The following ZNF831 variants were observed in gnomAD, a reference collection of about 807,000 sequenced individuals.
ZNF831 encodes the protein chromosome 20 open reading frame 174.
A neutral mutation model predicts 95.8 loss-of-function variants in ZNF831; 59 were observed. The observed-to-expected ratio is 0.62, with a 90% CI of 0.50 to 0.77. ZNF831 has a LOEUF of 0.77. Ranked by LOEUF, ZNF831 falls within the 30% of genes least tolerant of loss-of-function variation. ZNF831 has a pLI of 0.00. For synonymous variants in ZNF831, 961 were observed against 925.5 expected, an observed-to-expected ratio of 1.04 and a Z score of -0.70; for missense variants, 2,205 against 2,164.0, an observed-to-expected ratio of 1.02 and a Z score of -0.38.
intron 3 of ZNF831, among the ~76,000 whole-genome samples, chr20:59,204,673 G>A (rs1984757750): frequency 6.6e-6 from 1 of 152,194 alleles, no homozygotes. Flanking sequence ...GTCCTTCCCT[G>A]AGAGAGCCTG....
rs1294182334 is a variant in ZNF831 at position 59,255,417 on chromosome 20, CA to C, written c.*676del. ...TACTTTTAAATGTTGCACAAATGGT[CA>C]ATGCTTATTTATGGTCAGATGATGC... is the stretch of plus-strand genomic sequence containing the variant. On this transcript the variant is annotated 3_prime_UTR_variant, in exon 6 of 6. Transcript: ENST00000371030. 1.3e-5 allele frequency: 2 copies of C among 152,254 alleles called. No homozygotes were observed. The highest frequency in any genetic ancestry group is 2.9e-5 in the Non-Finnish European group (2 of 68,110). 9.4% of individuals were successfully genotyped at this position (152,254 alleles called of 1,614,324 possible).
chr20:59,156,298 A>C (rs1176237676), intron 2 of ZNF831, among the ~76,000 whole-genome samples: 2 of 152,098 alleles, frequency 1.3e-5, no homozygotes, highest in Admixed American at 6.5e-5. Flanking sequence ...GGCTGAGGCG[A>C]GCGGATCACC....
chr20:59,185,072 C>T (rs1162858449), intron 1 of ZNF831, among the ~76,000 whole-genome samples: 1 of 147,628 alleles, frequency 6.8e-6, no homozygotes. Flanking sequence ...GTCCCGGACC[C>T]TTCCCTCGCT....
intron 4 of ZNF831, among the ~76,000 whole-genome samples, chr20:59,216,946 TAA>T (rs11309699): frequency 1.4e-4 from 20 of 145,980 alleles, no homozygotes; most frequent in African/African-American, 2.5e-4. Context: ...CTTTTGTTCT[TAA>T]AAAAAAAAAA....
intron 1 of ZNF831, among the ~76,000 whole-genome samples, chr20:59,179,818 T>C (rs1982467167): frequency 6.6e-6 from 1 of 152,078 alleles, no homozygotes; most frequent in Non-Finnish European, 1.5e-5. Context: ...CCAAATAAGG[T>C]CCCAATCGCA....
chr20:59,193,511 A>G lies in ZNF831; in HGVS notation c.2492A>G (p.His831Arg), dbSNP rs2146584738. 2.5e-6 allele frequency: 4 copies of G among 1,610,008 alleles called. No homozygotes were observed. The highest frequency in any genetic ancestry group is 1.1e-5 in the South Asian group (1 of 90,366). ...AAGAAGCTGAAAGTGGAGGACCTGC[A>G]CAGCTGGAAGCAACCAGAGCCTGTG... is the stretch of plus-strand genomic sequence containing the variant. ...ERKKLKVEDL[H>R]SWKQPEPVSA... The change falls in exon 2 of 6, where the codon CAC (histidine) becomes CGC (arginine). Residue 831 changes from histidine to arginine, a missense_variant. Coordinates refer to ENST00000371030, the MANE Select transcript of ZNF831 (RefSeq NM_178457.3).
At chr20:59,197,272 T>C (rs1007883757) in intron 3 of ZNF831, among the ~76,000 whole-genome samples, 7 of 152,190 alleles carry the variant, frequency 4.6e-5, no homozygotes, top group East Asian at 1.9e-4. Context: ...GCACTTGCTG[T>C]GTGCCAGACT....
chr20:59,180,274 A>G (rs892276073), intron 1 of ZNF831, among the ~76,000 whole-genome samples: 3 of 151,980 alleles, frequency 2.0e-5, no homozygotes, highest in African/African-American at 7.3e-5. Flanking sequence ...TTTTGTAGAG[A>G]TGGGGGTCTC....
chr20:59,176,591 C>A (rs1982183070), intron 1 of ZNF831, among the ~76,000 whole-genome samples: 1 of 152,122 alleles, frequency 6.6e-6, no homozygotes, highest in Non-Finnish European at 1.5e-5. Context: ...TTCTGAGTAA[C>A]CCCCCTAGAC....
At chr20:59,142,795 C>T (rs1482186485) in intron 1 of ZNF831, among the ~76,000 whole-genome samples, 1 of 152,242 alleles carries the variant, frequency 6.6e-6, no homozygotes, top group African/African-American at 2.4e-5. Flanking sequence ...GAGGTTCAAA[C>T]TCTCAGCCAT....
At chr20:59,123,541 C>T (rs948478697) in intron 1 of ZNF831, 1 of 152,724 alleles carries the variant, frequency 6.5e-6, no homozygotes, top group Admixed American at 6.5e-5. Context: ...GAGGCCACCA[C>T]CCCGTAGGAA....
chr20:59,181,891 T>C (rs1432480069), intron 1 of ZNF831, among the ~76,000 whole-genome samples: 3 of 152,132 alleles, frequency 2.0e-5, no homozygotes, highest in African/African-American at 4.8e-5. Flanking sequence ...ATTTTTCCTT[T>C]CCATGAGCAT....
At chr20:59,134,693 G>T (rs569055570) in intron 1 of ZNF831, among the ~76,000 whole-genome samples, 1 of 152,320 alleles carries the variant, frequency 6.6e-6, no homozygotes, top group South Asian at 2.1e-4. Flanking sequence ...TGGCTGCGTG[G>T]TCCTTCTGTT....
chr20:59,254,819 A>G lies in ZNF831; in HGVS notation c.*76A>G. On this transcript the variant is annotated 3_prime_UTR_variant, in exon 6 of 6. Transcript: ENST00000371030. This position sits in a 1 kb window ranked among gnomAD's most constrained non-coding sequence, Gnocchi z 4.5. ...AAGTAAATGTTGTCAGGCTGGCGGAAGAACTAAACTCTATCTGTGAAACAC... is the reference window on the plus strand; with the variant it reads ...AAGTAAATGTTGTCAGGCTGGCGGAGGAACTAAACTCTATCTGTGAAACAC... The G allele has an allele frequency of 6.6e-7, 1 of 1,521,272 alleles. No individual in the cohort carries two copies. Among genetic ancestry groups the G allele is most frequent in the Non-Finnish European group, 8.8e-7 (1 of 1,137,014 alleles). The allele number at this position is 1,521,272 out of a possible 1,614,324, so 94.2% of individuals were successfully genotyped here.
At chr20:59,158,240 C>T (rs1487176798) in intron 2 of ZNF831, among the ~76,000 whole-genome samples, 1 of 152,232 alleles carries the variant, frequency 6.6e-6, no homozygotes, top group Non-Finnish European at 1.5e-5. Context: ...GCATTGGGCA[C>T]TGAGAGGTTG....
At chr20:59,156,709 C>T (rs896622313) in intron 2 of ZNF831, among the ~76,000 whole-genome samples, 11 of 152,218 alleles carry the variant, frequency 7.2e-5, no homozygotes, top group African/African-American at 1.7e-4. Flanking sequence ...CTGGACTCTC[C>T]GCTTCTATAA....
At chr20:59,132,725 A>T (rs1457425487) in intron 1 of ZNF831, among the ~76,000 whole-genome samples, 1 of 152,208 alleles carries the variant, frequency 6.6e-6, no homozygotes. Flanking sequence ...TGGTGAATTA[A>T]CTTGAATCCT....
chr20:59,206,925 A>C lies in ZNF831; in HGVS notation c.3896A>C (p.Gln1299Pro), dbSNP rs768040629. The change falls in exon 4 of 6, where the codon CAG becomes CCG. Residue 1299 changes from glutamine (Q) to proline (P), a missense_variant. Coordinates refer to ENST00000371030, the MANE Select transcript of ZNF831 (RefSeq NM_178457.3). ...NPKRYKGNFL[Q>P]SCVQLRASRL... ...TACAGGTACAAAGGGAATTTCTTGC[A>C]GAGCTGTGTTCAGCTGAGAGCCAGT... is the stretch of plus-strand genomic sequence containing the variant. The C allele has an allele frequency of 1.2e-6, 2 of 1,614,076 alleles. No individual in the cohort carries two copies. Among genetic ancestry groups the C allele is most frequent in the East Asian group, 4.5e-5 (2 of 44,884 alleles).
At chr20:59,196,609 C>G (rs1041765420) in intron 3 of ZNF831, among the ~76,000 whole-genome samples, 1 of 152,312 alleles carries the variant, frequency 6.6e-6, no homozygotes, top group African/African-American at 2.4e-5. Context: ...AGCGAATTCT[C>G]TAACCCCTGC....
Sources: allele counts gnomAD v4.1 joint callset (sites outside exome capture counted in the v4.1 genomes callset), GRCh38; gene constraint gnomAD v4.1.1; non-coding constraint Gnocchi (gnomAD v3.1); transcripts MANE v1.5; gene names NCBI Gene and HGNC (gene_info 2026-07-23, HGNC 2026-07-21).